IFFO2: variants seen among roughly 807,000 people sequenced by gnomAD.
IFFO2 encodes intermediate filament family orphan 2.
In IFFO2, 19 loss-of-function variants were observed where a neutral mutation model predicts 53.5. That is an observed-to-expected ratio of 0.36 (90% CI 0.25 to 0.52). IFFO2 has a LOEUF of 0.52. Among genes scored for constraint, IFFO2 ranks in the 20% least tolerant of loss-of-function variants. The probability of loss-of-function intolerance (pLI) is 0.94; values close to 1 mark genes in which losing one functional copy is unlikely to be tolerated. For missense variants in IFFO2, 570 were observed against 727.4 expected (o/e 0.78, Z 2.49); for synonymous variants, 303 against 313.6 (o/e 0.97, Z 0.36).
chr1:18,929,451 G>C (rs536646735), intron 1 of IFFO2, among the ~76,000 whole-genome samples: 1 of 152,228 alleles, frequency 6.6e-6, no homozygotes, highest in Non-Finnish European at 1.5e-5. Context: ...AACTGAGAGA[G>C]GCAGCACTGA....
Position 18,918,380 on chromosome 1 carries a change from G to A in IFFO2, c.945C>T (p.Asp315=), listed in dbSNP as rs754163586. ...TAGTCACCTGGAAGATCTTGGACAC[G>A]TCTTCTGAGTTCCGCTGCTGTGCGA... ...CDVAQQRNSE[D]VSKIFQVVPK... Residue 315 remains aspartate (D), a synonymous_variant, in exon 4 of 9, where the codon GAC becomes GAT. Coordinates refer to ENST00000455833, the MANE Select transcript of IFFO2 (RefSeq NM_001136265.2). The surrounding 1 kb of genome is among the most constrained non-coding windows in gnomAD (Gnocchi z 5.2). 63 of 1,551,892 alleles carry A rather than the reference G, an allele frequency of 4.1e-5. No individual in the cohort carries two copies. Among genetic ancestry groups the A allele is most frequent in the Non-Finnish European group, 4.7e-5 (54 of 1,147,060 alleles).
chr1:18,912,176 C>T, intron 5 of IFFO2, 93 bp from the exon 6 acceptor site: 1 of 1,483,352 alleles, frequency 6.7e-7, no homozygotes. Flanking sequence ...CCAGCAGGTA[C>T]ACAGCTTCAA....
rs1936456238 is a variant in IFFO2 at position 18,936,906 on chromosome 1, C to T, written c.666-15785G>A. On this transcript the variant is annotated intron_variant, in intron 1 of 8. Coordinates refer to ENST00000455833, the MANE Select transcript of IFFO2 (RefSeq NM_001136265.2). This position sits in a 1 kb window ranked among gnomAD's most constrained non-coding sequence, Gnocchi z 4.5. ...CCTGTAAAATGGGTGAGAATGACCCCACCTGGATTCAATGAGGATGTGCAA... is the reference window on the plus strand; with the variant it reads ...CCTGTAAAATGGGTGAGAATGACCCTACCTGGATTCAATGAGGATGTGCAA... Among the ~76,000 whole-genome samples the T allele has an allele frequency of 6.7e-6, 1 of 149,818 alleles. No individual in the cohort carries two copies. Among genetic ancestry groups the T allele is most frequent in the South Asian group, 2.1e-4 (1 of 4,762 alleles).
At position 18,910,350 on chromosome 1, in the gene IFFO2, G is replaced by T. The variant is rs61752549; in HGVS notation, c.1440C>A (p.Ser480=). 1.2e-6 allele frequency: 2 copies of T among 1,609,254 alleles called. No individual in the cohort carries two copies. The highest frequency in any genetic ancestry group is 1.7e-4 in the Middle Eastern group (1 of 5,962). Residue 480 remains serine, a synonymous_variant, in exon 8 of 9, where the codon TCC becomes TCA. Coordinates refer to ENST00000455833, the MANE Select transcript of IFFO2 (RefSeq NM_001136265.2). ...GGAGGATGGGCGGGTACCTGTCTGC[G>T]GAGCCTTTGATGAGCCGGCGGCAGG... ...METCRRLIKG[S]ADRNSPSPSS...
At chr1:18,921,265 C>G in intron 1 of IFFO2, 144 bp from the exon 2 acceptor site, 1 of 713,660 alleles carries the variant, frequency 1.4e-6, no homozygotes. Flanking sequence ...TGCCTGCCCT[C>G]TGGGAGCTCC....
Position 18,936,181 on chromosome 1 carries a change from G to A in IFFO2, c.666-15060C>T, listed in dbSNP as rs868590509. On this transcript the variant is annotated intron_variant, in intron 1 of 8. Coordinates refer to ENST00000455833, the MANE Select transcript of IFFO2 (RefSeq NM_001136265.2). This position sits in a 1 kb window ranked among gnomAD's most constrained non-coding sequence, Gnocchi z 4.5. ...CAATCTAGGCCAATGCAGCCCTGTC[G>A]CCTTAGATATGGCCACCCTGCCAGC... Among the ~76,000 whole-genome samples, 3 of 152,204 alleles carry A rather than the reference G, an allele frequency of 2.0e-5. No homozygotes were observed. The highest frequency in any genetic ancestry group is 1.9e-4 in the East Asian group (1 of 5,178).
At chr1:18,911,331 C>T in intron 7 of IFFO2, 53 bp downstream of exon 7, 1 of 909,622 alleles carries the variant, frequency 1.1e-6, no homozygotes, top group East Asian at 3.2e-5. Context: ...GGATCTCAAC[C>T]ATGTGGACCT....
chr1:18,948,532 G>GT (rs1413023882), intron 1 of IFFO2, among the ~76,000 whole-genome samples: 4 of 152,202 alleles, frequency 2.6e-5, no homozygotes, highest in Non-Finnish European at 4.4e-5. Context: ...ACCCTCTCTT[G>GT]TACCAGGTCT....
rs1936188027 is a variant in IFFO2 at position 18,919,630 on chromosome 1, T to C, written c.822+48A>G. 8.1e-7 allele frequency: 1 copy of C among 1,241,082 alleles called. No individual in the cohort carries two copies. The highest frequency in any genetic ancestry group is 1.2e-6 in the Non-Finnish European group (1 of 863,810). The allele number at this position is 1,241,082 out of a possible 1,614,324, so 76.9% of individuals were successfully genotyped here. ...GGAGGGAATGAAGCATTTTGCATGA[T>C]GGGTGTGGGGGAGGTCATGACACCC... On this transcript the variant is annotated intron_variant, in intron 3 of 8. Coordinates refer to ENST00000455833, the MANE Select transcript of IFFO2 (RefSeq NM_001136265.2). The surrounding 1 kb of genome is among the most constrained non-coding windows in gnomAD (Gnocchi z 4.9).
chr1:18,913,320 AG>A (rs1169501776), intron 5 of IFFO2, among the ~76,000 whole-genome samples: 13 of 152,230 alleles, frequency 8.5e-5, no homozygotes, highest in Non-Finnish European at 1.9e-4. Flanking sequence ...GGTGCTGGAG[AG>A]GGCCGTGTGG....
intron 1 of IFFO2, among the ~76,000 whole-genome samples, chr1:18,922,944 C>G (rs557743772): frequency 1.3e-5 from 2 of 152,090 alleles, no homozygotes; most frequent in East Asian, 1.9e-4. Context: ...CCCAGGCCAC[C>G]CCATCCCTGC....
Position 18,956,272 on chromosome 1 carries a change from C to T in IFFO2, c.61G>A (p.Gly21Ser). Residue 21 changes from glycine to serine, a missense_variant, in exon 1 of 9, where the codon GGC becomes AGC. Gly to Ser is a moderately conservative substitution (Grantham distance 56, BLOSUM62 0). Coordinates refer to ENST00000455833, the MANE Select transcript of IFFO2 (RefSeq NM_001136265.2). The surrounding 1 kb of genome is among the most constrained non-coding windows in gnomAD (Gnocchi z 6.4). ...ALAFGCPPGGGGGGCPGGGGG... is the reference protein window; with the variant it reads ...ALAFGCPPGGSGGGCPGGGGG... ...CCCCCGCCAGGGCAGCCCCCGCCGC[C>T]GCCGCCCGGCGGGCAGCCGAAGGCC... is the stretch of plus-strand genomic sequence containing the variant. 4 of 851,420 alleles carry T rather than the reference C, an allele frequency of 4.7e-6. No individual in the cohort carries two copies. The highest frequency in any genetic ancestry group is 4.2e-5 in the South Asian group (1 of 23,996). The allele number at this position is 851,420 out of a possible 1,614,324, so 52.7% of individuals were successfully genotyped here. A position where few individuals can be genotyped will look rare whatever the true frequency, so the allele number is the denominator to read the frequency against.
At chr1:18,935,675 CT>C (rs1241712719) in intron 1 of IFFO2, among the ~76,000 whole-genome samples, 1 of 149,306 alleles carries the variant, frequency 6.7e-6, no homozygotes, top group African/African-American at 2.5e-5. Flanking sequence ...CTTAACTCAT[CT>C]TTCTTTTCTC....
rs1158216197 is a variant in IFFO2 at position 18,906,774 on chromosome 1, T to A, written c.*1787A>T. 1.3e-5 allele frequency: 2 copies of A among 152,120 alleles called. No individual in the cohort carries two copies. Among genetic ancestry groups the A allele is most frequent in the Non-Finnish European group, 2.9e-5 (2 of 68,010 alleles). The allele number at this position is 152,120 out of a possible 1,614,324, so 9.4% of individuals were successfully genotyped here. On this transcript the variant is annotated 3_prime_UTR_variant, in exon 9 of 9. Coordinates refer to ENST00000455833, the MANE Select transcript of IFFO2 (RefSeq NM_001136265.2). The stretch of plus-strand genomic sequence containing the variant: ...ACAAGAGATGCTGACTATGGAAGTG[T>A]CACAGCCAGACTGCCACAGGGGACC...
chr1:18,955,736 C>A lies in IFFO2; in HGVS notation c.597G>T (p.Thr199=). The A allele has an allele frequency of 6.3e-7, 1 of 1,589,896 alleles. No individual in the cohort carries two copies. ...DGVGVQIDTI[T]PEIRALYNVL... is the part of the protein sequence containing the mutation. ...CGTTGTAGAGCGCGCGGATCTCCGG[C>A]GTGATGGTGTCGATCTGCACGCCCA... The change falls in exon 1 of 9, where the codon ACG becomes ACT. Residue 199 remains threonine, a synonymous_variant. Coordinates refer to ENST00000455833, the MANE Select transcript of IFFO2 (RefSeq NM_001136265.2).
Position 18,948,922 on chromosome 1 carries a change from G to A in IFFO2, c.665+6746C>T, listed in dbSNP as rs577062950. ...CCTGTCTACTTCTTCCACAACCTCCGGACACAGAGCTTAGCATCCCTGTTT... is the reference window on the plus strand; with the variant it reads ...CCTGTCTACTTCTTCCACAACCTCCAGACACAGAGCTTAGCATCCCTGTTT... On this transcript the variant is annotated intron_variant, in intron 1 of 8. Coordinates refer to ENST00000455833, the MANE Select transcript of IFFO2 (RefSeq NM_001136265.2). 3.0e-4 allele frequency among the ~76,000 whole-genome samples: 46 copies of A among 152,296 alleles called. No homozygotes were observed. The South Asian group carries it at 6.4e-3, about 21-fold the overall frequency.
Position 18,956,065 on chromosome 1 carries a change from TCTG to T in IFFO2, c.265_267del (p.Gln89del). The T allele has an allele frequency of 6.8e-7, 1 of 1,476,138 alleles. No individual in the cohort carries two copies. Among genetic ancestry groups the T allele is most frequent in the Admixed American group, 2.1e-5 (1 of 47,416 alleles). 91.4% of individuals were successfully genotyped at this position (1,476,138 alleles called of 1,614,324 possible). ...TAGCGCAGCCGCCGCTCGCGCTCGCTCTGCTGCTGCTCCAGCTGCTTCTCCAGC... is the reference window on the plus strand; with the variant it reads ...TAGCGCAGCCGCCGCTCGCGCTCGCTCTGCTGCTCCAGCTGCTTCTCCAGC... On this transcript the variant is annotated inframe_deletion, in exon 1 of 9. Transcript: ENST00000455833. The surrounding 1 kb of genome is among the most constrained non-coding windows in gnomAD (Gnocchi z 6.4).
intron 1 of IFFO2, among the ~76,000 whole-genome samples, chr1:18,932,439 AC>A (rs1158952956): frequency 1.3e-5 from 2 of 151,694 alleles, no homozygotes; most frequent in African/African-American, 4.8e-5. Context: ...CCCACCCCTG[AC>A]CCCCCCAGAC....
At chr1:18,935,470 C>T (rs1936435938) in intron 1 of IFFO2, among the ~76,000 whole-genome samples, 1 of 152,120 alleles carries the variant, frequency 6.6e-6, no homozygotes. Flanking sequence ...CTCTGCCCAA[C>T]AGGTTCTACA....
Sources: gnomAD v4.1 joint callset for allele counts (sites outside exome capture counted in the v4.1 genomes callset) on GRCh38, gnomAD v4.1.1 for gene constraint, Gnocchi (gnomAD v3.1) non-coding constraint, MANE v1.5 for transcripts, NCBI Gene and HGNC (gene_info 2026-07-23, HGNC 2026-07-21) for gene names.